The following CPEB4 variants were observed in gnomAD, a reference collection of about 807,000 sequenced individuals.
CPEB4 encodes the protein cytoplasmic polyadenylation element binding protein 4.
In CPEB4, 12 loss-of-function variants were observed where a neutral mutation model predicts 72.5. The ratio of observed to expected loss-of-function variants is 0.17; its 90% CI spans 0.11 to 0.27. CPEB4 has a LOEUF of 0.27. CPEB4 is among the 10% of genes least tolerant of loss of function. The pLI, the probability that CPEB4 is intolerant of heterozygous loss-of-function variation, is 1.00. For missense variants in CPEB4, 614 were observed against 908.5 expected, an observed-to-expected ratio of 0.68 and a Z score of 4.17; for synonymous variants, 302 against 326.3, an observed-to-expected ratio of 0.93 and a Z score of 0.80.
At chr5:173,936,108 A>G (rs1329743619) in intron 3 of CPEB4, among the ~76,000 whole-genome samples, 1 of 152,176 alleles carries the variant, frequency 6.6e-6, no homozygotes, top group Non-Finnish European at 1.5e-5. Context: ...TGGATTTTCA[A>G]TGTATTTTTA....
At chr5:173,897,266 T>C (rs1391464387) in intron 1 of CPEB4, among the ~76,000 whole-genome samples, 1 of 152,232 alleles carries the variant, frequency 6.6e-6, no homozygotes, top group East Asian at 1.9e-4. Flanking sequence ...TTGGCCACAG[T>C]TGTTTTATTA....
intron 3 of CPEB4, among the ~76,000 whole-genome samples, chr5:173,940,906 T>C (rs1472904412): frequency 2.6e-5 from 4 of 152,184 alleles, no homozygotes; most frequent in Non-Finnish European, 5.9e-5. Context: ...CATGAATTAT[T>C]TTATATTGAC....
chr5:173,930,858 G>A (rs917460583), intron 2 of CPEB4, among the ~76,000 whole-genome samples: 1 of 151,774 alleles, frequency 6.6e-6, no homozygotes. Context: ...GCATGGTAGC[G>A]GGCGCCTGTA....
intron 1 of CPEB4, among the ~76,000 whole-genome samples, chr5:173,903,812 C>A (rs961911530): frequency 6.6e-6 from 1 of 152,176 alleles, no homozygotes; most frequent in Non-Finnish European, 1.5e-5. Flanking sequence ...CCCATTTTGC[C>A]CTGGCAGGCA....
At position 173,961,650 on chromosome 5, in the gene CPEB4, A is replaced by C. The variant is rs1232897961; in HGVS notation, c.*5513A>C. On this transcript the variant is annotated 3_prime_UTR_variant, in exon 10 of 10. Transcript: ENST00000265085. The stretch of plus-strand genomic sequence containing the variant: ...ACACTCTTAACAATCAAGTCATTTC[A>C]TAACCCCTTTTGGTAATGGGTGTTT... 2 of 152,086 alleles carry C rather than the reference A, an allele frequency of 1.3e-5. No homozygotes were observed. Among genetic ancestry groups the C allele is most frequent in the African/African-American group, 4.8e-5 (2 of 41,446 alleles). The allele number at this position is 152,086 out of a possible 1,614,324, so 9.4% of individuals were successfully genotyped here.
intron 3 of CPEB4, among the ~76,000 whole-genome samples, chr5:173,936,201 T>TA (rs1757617415): frequency 6.6e-6 from 1 of 152,214 alleles, no homozygotes; most frequent in Non-Finnish European, 1.5e-5. Context: ...ACTACTGGCT[T>TA]AAACAGAAAT....
chr5:173,945,061 C>T lies in CPEB4; in HGVS notation c.1377C>T (p.Phe459=). 6.2e-7 allele frequency: 1 copy of T among 1,613,946 alleles called. No individual in the cohort carries two copies. The highest frequency in any genetic ancestry group is 8.5e-7 in the Non-Finnish European group (1 of 1,179,876). ...GTGGCCTGGGTTCACCTCACTGCTTCAGTCACCAGAATGGGGAAAGAGTGG... is the reference window on the plus strand; with the variant it reads ...GTGGCCTGGGTTCACCTCACTGCTTTAGTCACCAGAATGGGGAAAGAGTGG... ...LHSGLGSPHC[F]SHQNGERVER... is the part of the protein sequence containing the mutation. Residue 459 remains phenylalanine (F), a synonymous_variant, in exon 5 of 10, where the codon TTC becomes TTT. Transcript: ENST00000265085.
intron 2 of CPEB4, among the ~76,000 whole-genome samples, chr5:173,927,882 A>G (rs1244648235): frequency 6.6e-6 from 1 of 152,244 alleles, no homozygotes; most frequent in East Asian, 1.9e-4. Context: ...AATTGTCAAA[A>G]CTTGGAAAAA....
At chr5:173,937,716 T>C (rs1480919280) in intron 3 of CPEB4, among the ~76,000 whole-genome samples, 1 of 152,242 alleles carries the variant, frequency 6.6e-6, no homozygotes, top group Non-Finnish European at 1.5e-5. Context: ...ATACACATTG[T>C]GTTTTTCATT....
chr5:173,961,530 A>T lies in CPEB4; in HGVS notation c.*5393A>T, dbSNP rs1758550701. The stretch of plus-strand genomic sequence containing the variant: ...CTGGGCTATATTTCTTCATTCACTG[A>T]TTGCCTAAACCTACCCAACGAGGAA... On this transcript the variant is annotated 3_prime_UTR_variant, in exon 10 of 10. Coordinates refer to ENST00000265085, the MANE Select transcript of CPEB4 (RefSeq NM_030627.4). 6.6e-6 allele frequency: 1 copy of T among 152,094 alleles called. No individual in the cohort carries two copies. The highest frequency in any genetic ancestry group is 6.5e-5 in the Admixed American group (1 of 15,274). 9.4% of individuals were successfully genotyped at this position (152,094 alleles called of 1,614,324 possible). A position where few individuals can be genotyped will look rare whatever the true frequency, so the allele number is the denominator to read the frequency against.
intron 1 of CPEB4, among the ~76,000 whole-genome samples, chr5:173,909,867 G>A (rs1007013748): frequency 1.1e-4 from 16 of 151,816 alleles, no homozygotes; most frequent in African/African-American, 3.6e-4. Context: ...GGGTTTGGTG[G>A]CGGGTGCCTG....
In CPEB4 at chr5:173,938,897, CA is replaced by C. The variant is rs1463124770; in HGVS notation, c.1259-4126del. Among the ~76,000 whole-genome samples the C allele has an allele frequency of 3.9e-5, 6 of 152,262 alleles. No homozygotes were observed. The East Asian group carries it at 1.2e-3, about 29-fold the overall frequency. On this transcript the variant is annotated intron_variant, in intron 3 of 9. Coordinates refer to ENST00000265085, the MANE Select transcript of CPEB4 (RefSeq NM_030627.4). ...ATAGCATATGCAATAATAATAAATT[CA>C]AATGGTACAAAAAGGGATAAAACAA...
At position 173,890,189 on chromosome 5, in the gene CPEB4, T is replaced by C; in HGVS notation, c.456T>C (p.Gly152=). ...ATTATCAAGAAGCCACTGGGCTAGGTACTTCAACCCAACCCTTGACATCTA... is the reference window on the plus strand; with the variant it reads ...ATTATCAAGAAGCCACTGGGCTAGGCACTTCAACCCAACCCTTGACATCTA... ...GFDYQEATGL[G]TSTQPLTSSA... The change falls in exon 1 of 10, where the codon GGT becomes GGC. Residue 152 remains glycine, a synonymous_variant. Coordinates refer to ENST00000265085, the MANE Select transcript of CPEB4 (RefSeq NM_030627.4). 6.2e-7 allele frequency: 1 copy of C among 1,614,176 alleles called. No homozygotes were observed. The highest frequency in any genetic ancestry group is 8.5e-7 in the Non-Finnish European group (1 of 1,180,042).
chr5:173,958,133 G>C lies in CPEB4; in HGVS notation c.*1996G>C, dbSNP rs1464533408. 1.3e-5 allele frequency: 2 copies of C among 152,752 alleles called. No homozygotes were observed. Among genetic ancestry groups the C allele is most frequent in the African/African-American group, 4.8e-5 (2 of 41,444 alleles). 9.5% of individuals were successfully genotyped at this position (152,752 alleles called of 1,614,324 possible). ...CTGTTCCTACTCAGTAAACAGGTGT[G>C]ATGAGTTAACAAGAAATAACACTGT... On this transcript the variant is annotated 3_prime_UTR_variant, in exon 10 of 10. Transcript: ENST00000265085.
chr5:173,888,641 G>A lies in CPEB4; in HGVS notation c.-1093G>A, dbSNP rs905744344. The A allele has an allele frequency of 5.0e-6, 2 of 400,970 alleles. No individual in the cohort carries two copies. The highest frequency in any genetic ancestry group is 7.1e-5 in the East Asian group (2 of 28,232). The allele number at this position is 400,970 out of a possible 1,614,324, so 24.8% of individuals were successfully genotyped here. On this transcript the variant is annotated 5_prime_UTR_variant, in exon 1 of 10. Coordinates refer to ENST00000265085, the MANE Select transcript of CPEB4 (RefSeq NM_030627.4). This position sits in a 1 kb window ranked among gnomAD's most constrained non-coding sequence, Gnocchi z 4.3. ...GGAAAAGAGAGAGAAAGCCGAGGGG[G>A]GAGGCCCTTCTCCTTTAAAATAACT... is the stretch of plus-strand genomic sequence containing the variant.
At chr5:173,907,767 T>C (rs1257573699) in intron 1 of CPEB4, among the ~76,000 whole-genome samples, 1 of 152,202 alleles carries the variant, frequency 6.6e-6, no homozygotes, top group Non-Finnish European at 1.5e-5. Flanking sequence ...ATGACACACA[T>C]AGAAAATGAT....
In CPEB4 at chr5:173,955,976, G is replaced by C; in HGVS notation, c.2029G>C (p.Gly677Arg). 1 of 1,614,062 alleles carries C rather than the reference G, an allele frequency of 6.2e-7. No individual in the cohort carries two copies. Among genetic ancestry groups the C allele is most frequent in the South Asian group, 1.1e-5 (1 of 91,082 alleles). Residue 677 changes from glycine (G) to arginine (R), a missense_variant, in exon 10 of 10, where the codon GGG becomes CGG. By Grantham distance (125) the Gly-to-Arg change is moderately radical. Coordinates refer to ENST00000265085, the MANE Select transcript of CPEB4 (RefSeq NM_030627.4). This position sits in a 1 kb window ranked among gnomAD's most constrained non-coding sequence, Gnocchi z 4.7. ...CDECQGARCG[G>R]KFAPFFCANV... ...TGAATGTCAGGGGGCCCGTTGTGGG[G>C]GGAAATTTGCTCCATTTTTCTGTGC...
chr5:173,917,692 C>T (rs1394523961), intron 2 of CPEB4, among the ~76,000 whole-genome samples: 2 of 152,226 alleles, frequency 1.3e-5, no homozygotes, highest in Admixed American at 6.5e-5. Context: ...AGCCATTGCA[C>T]TCCAGCCTGG....
At chr5:173,942,995 T>C in intron 3 of CPEB4, 31 bp from the exon 4 acceptor site, 1 of 1,604,576 alleles carries the variant, frequency 6.2e-7, no homozygotes, top group Non-Finnish European at 8.5e-7. Flanking sequence ...TTTGTTTTTT[T>C]GTTTTTGTTT....
Sources: allele counts gnomAD v4.1 joint callset (sites outside exome capture counted in the v4.1 genomes callset), GRCh38; gene constraint gnomAD v4.1.1; non-coding constraint Gnocchi (gnomAD v3.1); transcripts MANE v1.5; gene names NCBI Gene and HGNC (gene_info 2026-07-23, HGNC 2026-07-21).